The following TRAK1 variants were observed in gnomAD, a reference collection of about 807,000 sequenced individuals.
TRAK1 encodes trafficking kinesin protein 1.
Under a neutral mutation model 92.1 loss-of-function variants are expected in TRAK1, and 33 were observed. The ratio of observed to expected loss-of-function variants is 0.36; its 90% CI spans 0.27 to 0.48. The LOEUF is 0.48. Among genes scored for constraint, TRAK1 ranks in the 20% least tolerant of loss-of-function variants. The pLI is 0.99. For missense variants in TRAK1, 1,123 were observed against 1,257.9 expected, an observed-to-expected ratio of 0.89 and a Z score of 1.62; for synonymous variants, 521 against 517.3, an observed-to-expected ratio of 1.01 and a Z score of -0.10.
rs1172914275 is a variant in TRAK1, at chr3:42,015,961, C to T, written c.-519+1844C>T. On this transcript the variant is annotated intron_variant, in intron 1 of 16. Coordinates refer to the TRAK1 transcript ENST00000487159. ...GTGAGTCAGGAGAATAGCTTGAATC[C>T]GGGAGGCAGAGGTTTCATTGAGCCA... Among the ~76,000 whole-genome samples the T allele has an allele frequency of 2.6e-5, 4 of 152,102 alleles. No homozygotes were observed. The East Asian group carries it at 5.8e-4, about 22-fold the overall frequency.
intron 4 of TRAK1, among the ~76,000 whole-genome samples, chr3:42,187,183 A>C (rs920536271): frequency 2.6e-5 from 4 of 152,130 alleles, no homozygotes; most frequent in Non-Finnish European, 5.9e-5. Flanking sequence ...TTGAGCACGG[A>C]ACGAGGTCTG....
chr3:42,113,228 A>G (rs982494604), intron 1 of TRAK1, among the ~76,000 whole-genome samples: 3 of 152,222 alleles, frequency 2.0e-5, no homozygotes, highest in African/African-American at 7.2e-5. Context: ...AGGTGACAGA[A>G]TGAGACCCTA....
chr3:42,099,720 T>C lies in TRAK1; in HGVS notation c.91+8160T>C, dbSNP rs1388827627. On this transcript the variant is annotated intron_variant, in intron 1 of 15. Transcript: ENST00000327628. ...ATCTCATAAATATAATTATGCTCTT[T>C]TGTTCAGCTTTGAAAAATCCTGACC... is the stretch of plus-strand genomic sequence containing the variant. Among the ~76,000 whole-genome samples, 81 of 152,214 alleles carry C rather than the reference T, an allele frequency of 5.3e-4. 1 individual carries two copies. The highest frequency in any genetic ancestry group is 5.2e-3 in the Admixed American group (80 of 15,282).
At chr3:42,177,219 TATATC>T (rs1436904448) in intron 3 of TRAK1, among the ~76,000 whole-genome samples, 7 of 152,194 alleles carry the variant, frequency 4.6e-5, no homozygotes, top group Non-Finnish European at 5.9e-5. Context: ...GTCAGAAAAA[TATATC>T]ATATCTGTGT....
chr3:42,159,401 G>A (rs958277374), intron 2 of TRAK1, among the ~76,000 whole-genome samples: 1 of 152,152 alleles, frequency 6.6e-6, no homozygotes, highest in East Asian at 1.9e-4. Context: ...AGCACCCGGG[G>A]CTGCCTTTCA....
intron 2 of TRAK1, among the ~76,000 whole-genome samples, chr3:42,156,590 G>A (rs1490665808): frequency 6.6e-6 from 1 of 152,136 alleles, no homozygotes; most frequent in Non-Finnish European, 1.5e-5. Context: ...CTAAATAACG[G>A]GAGGGAAGAA....
At chr3:42,216,597 G>A (rs1165698731) in intron 14 of TRAK1, among the ~76,000 whole-genome samples, 3 of 152,172 alleles carry the variant, frequency 2.0e-5, no homozygotes, top group Admixed American at 6.5e-5. Context: ...ACATCTGCAC[G>A]ACAGCTACGG....
intron 1 of TRAK1, among the ~76,000 whole-genome samples, chr3:42,076,486 A>G (rs1426677683): frequency 6.6e-6 from 1 of 152,096 alleles, no homozygotes; most frequent in African/African-American, 2.4e-5. Flanking sequence ...TCGGCTTCCC[A>G]AAGTGCTGGG....
At chr3:42,213,947 G>A (rs1409897650) in intron 14 of TRAK1, among the ~76,000 whole-genome samples, 1 of 152,176 alleles carries the variant, frequency 6.6e-6, no homozygotes, top group Non-Finnish European at 1.5e-5. Flanking sequence ...AGATGCTAAG[G>A]AAAGCCCTGT....
In TRAK1 at chr3:42,093,673, TC is replaced by T. The variant is rs1559755759; in HGVS notation, c.91+2117del. ...TCCCCTTCCCTTCCCTTCCCTCCCC[TC>T]CCCTCCCCTCCCCTCCCCTCCCCTC... On this transcript the variant is annotated intron_variant, in intron 1 of 15. Coordinates refer to ENST00000327628, the MANE Select transcript of TRAK1 (RefSeq NM_001042646.3). Among the ~76,000 whole-genome samples, 37 of 6,364 alleles carry T rather than the reference TC, an allele frequency of 5.8e-3. 1 individual carries two copies. Among genetic ancestry groups the T allele is most frequent in the South Asian group, 0.091 (2 of 22 alleles). The allele number at this position is 6,364 out of a possible 152,430, so 4.2% of individuals were successfully genotyped here.
chr3:42,193,965 C>T, intron 9 of TRAK1, 67 bp downstream of exon 9: 1 of 1,397,072 alleles, frequency 7.2e-7, no homozygotes, highest in Non-Finnish European at 9.9e-7. Context: ...CCTTCCCGGA[C>T]AGCTTTAGTC....
At chr3:42,164,080 A>T (rs1701594229) in intron 2 of TRAK1, among the ~76,000 whole-genome samples, 1 of 152,238 alleles carries the variant, frequency 6.6e-6, no homozygotes, top group African/African-American at 2.4e-5. Context: ...AAACACGTGT[A>T]TCTCAGAGCA....
At chr3:42,112,167 A>G (rs1259462314) in intron 1 of TRAK1, among the ~76,000 whole-genome samples, 1 of 111,126 alleles carries the variant, frequency 9.0e-6, no homozygotes. Flanking sequence ...TTTGAGACGT[A>G]GTCTTACTCT....
intron 1 of TRAK1, among the ~76,000 whole-genome samples, chr3:42,044,031 A>G (rs1702662740): frequency 6.6e-6 from 1 of 152,260 alleles, no homozygotes; most frequent in Non-Finnish European, 1.5e-5. Context: ...GCAGAAGCCC[A>G]GCTTTCAGGT....
chr3:42,109,773 T>C (rs1708082965), intron 1 of TRAK1, among the ~76,000 whole-genome samples: 1 of 152,094 alleles, frequency 6.6e-6, no homozygotes, highest in Admixed American at 6.5e-5. Flanking sequence ...TATGCCACCA[T>C]AGAAAAGGAT....
intron 2 of TRAK1, among the ~76,000 whole-genome samples, chr3:42,136,612 G>A (rs1480023396): frequency 6.7e-6 from 1 of 149,910 alleles, no homozygotes; most frequent in African/African-American, 2.5e-5. Flanking sequence ...AATTGAGTGA[G>A]ACACTGTTTC....
intron 1 of TRAK1, among the ~76,000 whole-genome samples, chr3:42,111,418 C>T (rs1044014056): frequency 1.6e-4 from 24 of 148,656 alleles, no homozygotes; most frequent in East Asian, 1.4e-3. Context: ...TTTTTTGAGA[C>T]GGAGTCTCAC....
At chr3:42,047,166 C>T (rs1174930365) in intron 1 of TRAK1, among the ~76,000 whole-genome samples, 2 of 146,166 alleles carry the variant, frequency 1.4e-5, no homozygotes, top group African/African-American at 5.0e-5. Context: ...TTAATGGAGA[C>T]AAGGGGAGTA....
At chr3:42,203,028 T>C (rs1707864340) in intron 13 of TRAK1, 1 of 1,254,298 alleles carries the variant, frequency 8.0e-7, no homozygotes, top group South Asian at 3.6e-5. Flanking sequence ...TTCTTTCCTT[T>C]GCCTTTAGAA....
Sources: gnomAD v4.1 joint callset for allele counts (sites outside exome capture counted in the v4.1 genomes callset) on GRCh38, gnomAD v4.1.1 for gene constraint, MANE v1.5 for transcripts, NCBI Gene and HGNC (gene_info 2026-07-23, HGNC 2026-07-21) for gene names.